AP3B1: variants seen among roughly 807,000 people sequenced by gnomAD.
The protein encoded by AP3B1 is AP-3 complex subunit beta-1.
In AP3B1, 61 loss-of-function variants were observed where a neutral mutation model predicts 132.5. The ratio of observed to expected loss-of-function variants is 0.46; its 90% CI spans 0.37 to 0.57. AP3B1 has a LOEUF of 0.57. Among genes scored for constraint, AP3B1 ranks in the 20% least tolerant of loss-of-function variants. The pLI is 0.00. For missense variants in AP3B1, 1,120 were observed against 1,289.4 expected (o/e 0.87, Z 2.01); for synonymous variants, 388 against 438.3 (o/e 0.89, Z 1.43).
chr5:78,198,140 A>G (rs1745145522), intron 7 of AP3B1, among the ~76,000 whole-genome samples: 1 of 152,196 alleles, frequency 6.6e-6, no homozygotes, highest in African/African-American at 2.4e-5. Context: ...AAGACACTGA[A>G]TATACCCACT....
intron 22 of AP3B1, among the ~76,000 whole-genome samples, chr5:78,079,334 A>G (rs1246005220): frequency 6.6e-6 from 1 of 152,204 alleles, no homozygotes. Context: ...AATTTTACAG[A>G]AATAAAACCC....
At chr5:78,087,229 T>G (rs949920649) in intron 22 of AP3B1, among the ~76,000 whole-genome samples, 11 of 152,328 alleles carry the variant, frequency 7.2e-5, no homozygotes, top group Admixed American at 6.5e-4. Context: ...GCTCCTAGAC[T>G]TGTTGAGATC....
intron 23 of AP3B1, among the ~76,000 whole-genome samples, chr5:78,038,521 C>T (rs929679225): frequency 1.3e-5 from 2 of 152,162 alleles, no homozygotes; most frequent in African/African-American, 4.8e-5. Flanking sequence ...TGTTAGGCTG[C>T]ATTCAAAGCT....
intron 2 of AP3B1, among the ~76,000 whole-genome samples, chr5:78,260,577 G>C (rs539338171): frequency 2.0e-5 from 3 of 151,914 alleles, no homozygotes; most frequent in African/African-American, 7.2e-5. Context: ...CTGGGCCACG[G>C]AGCGAGACTC....
At chr5:78,132,581 A>C (rs1335604932) in intron 15 of AP3B1, among the ~76,000 whole-genome samples, 1 of 152,230 alleles carries the variant, frequency 6.6e-6, no homozygotes, top group Non-Finnish European at 1.5e-5. Flanking sequence ...ACTAATTTTC[A>C]AAAAGTTATT....
intron 2 of AP3B1, among the ~76,000 whole-genome samples, chr5:78,248,326 C>T (rs556679166): frequency 6.6e-6 from 1 of 151,816 alleles, no homozygotes; most frequent in Non-Finnish European, 1.5e-5. Flanking sequence ...CCCATCTCTA[C>T]TAAAAATACA....
intron 2 of AP3B1, among the ~76,000 whole-genome samples, chr5:78,251,248 A>C (rs190088892): frequency 6.6e-6 from 1 of 152,326 alleles, no homozygotes; most frequent in African/African-American, 2.4e-5. Flanking sequence ...GAAAGAGAAA[A>C]AGCAATCTCA....
chr5:78,083,243 G>C (rs1482649709), intron 22 of AP3B1, among the ~76,000 whole-genome samples: 1 of 152,120 alleles, frequency 6.6e-6, no homozygotes, highest in African/African-American at 2.4e-5. Flanking sequence ...AAAACGCAAA[G>C]GATGAGTCAA....
At chr5:78,040,618 C>T (rs2112103921) in intron 22 of AP3B1, among the ~76,000 whole-genome samples, 1 of 152,094 alleles carries the variant, frequency 6.6e-6, no homozygotes, top group African/African-American at 2.4e-5. Flanking sequence ...TGATAGCTTT[C>T]TTTCCATTCA....
chr5:78,034,235 T>G, intron 24 of AP3B1, 126 bp downstream of exon 24: 1 of 773,644 alleles, frequency 1.3e-6, no homozygotes, highest in Non-Finnish European at 2.3e-6. Context: ...CTAAACATTA[T>G]CAAAGCAAAA....
intron 18 of AP3B1, 49 bp from the exon 19 acceptor site, chr5:78,113,972 C>T (rs747703527): frequency 2.5e-6 from 4 of 1,580,206 alleles, no homozygotes; most frequent in African/African-American, 1.4e-5. Flanking sequence ...TTTAATTAGA[C>T]ACACGGACAC....
At chr5:78,196,020 T>C (rs1017157809) in intron 7 of AP3B1, among the ~76,000 whole-genome samples, 2 of 152,116 alleles carry the variant, frequency 1.3e-5, no homozygotes, top group Non-Finnish European at 2.9e-5. Flanking sequence ...GAAGAAATAA[T>C]TGATAGGCTG....
At chr5:78,230,559 G>A (rs908315361) in intron 3 of AP3B1, among the ~76,000 whole-genome samples, 2 of 152,082 alleles carry the variant, frequency 1.3e-5, no homozygotes, top group African/African-American at 2.4e-5. Flanking sequence ...TAATCTGTTC[G>A]AAACCTCCTT....
At chr5:78,130,182 T>C (rs1276719881) in intron 15 of AP3B1, among the ~76,000 whole-genome samples, 1 of 152,244 alleles carries the variant, frequency 6.6e-6, no homozygotes, top group African/African-American at 2.4e-5. Flanking sequence ...AAAAGCATAG[T>C]TTTAACAAGA....
intron 22 of AP3B1, among the ~76,000 whole-genome samples, chr5:78,081,558 A>G (rs1750007433): frequency 6.6e-6 from 1 of 151,952 alleles, no homozygotes; most frequent in African/African-American, 2.4e-5. Context: ...CGGCCTTCCA[A>G]AGTGCCAGGA....
intron 1 of AP3B1, among the ~76,000 whole-genome samples, chr5:78,268,124 T>C (rs1004095382): frequency 1.3e-5 from 2 of 152,142 alleles, no homozygotes; most frequent in African/African-American, 4.8e-5. Context: ...GTAGAGGTAG[T>C]AATAAATAAA....
chr5:78,271,068 T>C (rs894107285), intron 1 of AP3B1, among the ~76,000 whole-genome samples: 1 of 152,220 alleles, frequency 6.6e-6, no homozygotes, highest in Non-Finnish European at 1.5e-5. Context: ...ACTTAATAAA[T>C]GCAACAGTGA....
At chr5:78,167,628 T>TACAC (rs200429467) in intron 11 of AP3B1, among the ~76,000 whole-genome samples, 71 of 145,462 alleles carry the variant, frequency 4.9e-4, no homozygotes, top group African/African-American at 1.9e-3. Context: ...ACATGTTATA[T>TACAC]ATATACACAC....
intron 21 of AP3B1, among the ~76,000 whole-genome samples, chr5:78,099,413 C>G (rs966857676): frequency 6.6e-6 from 1 of 152,096 alleles, no homozygotes; most frequent in Non-Finnish European, 1.5e-5. Context: ...TGCATAAAAA[C>G]AGAGTAGGAT....
Sources: gnomAD v4.1 joint callset for allele counts (sites outside exome capture counted in the v4.1 genomes callset) on GRCh38, gnomAD v4.1.1 for gene constraint, MANE v1.5 for transcripts, NCBI Gene and HGNC (gene_info 2026-07-23, HGNC 2026-07-21) for gene names.